The following PPP1R21 variants were observed in gnomAD, a reference collection of about 807,000 sequenced individuals.
The protein encoded by PPP1R21 is protein phosphatase 1 regulatory subunit 21.
In PPP1R21, 85 loss-of-function variants were observed where a neutral mutation model predicts 112.8. The observed-to-expected ratio is 0.75, with a 90% CI of 0.63 to 0.90. The LOEUF (loss-of-function observed/expected upper bound fraction) is 0.90, where lower values mean the gene tolerates loss of function less well. Among genes scored for constraint, PPP1R21 ranks in the 40% least tolerant of loss-of-function variants. The pLI, the probability that PPP1R21 is intolerant of heterozygous loss-of-function variation, is 0.00. For missense variants in PPP1R21, 1,199 were observed against 901.5 expected, an observed-to-expected ratio of 1.33 and a Z score of -4.23; for synonymous variants, 381 against 322.3, an observed-to-expected ratio of 1.18 and a Z score of -1.95.
rs980537602 is a variant in PPP1R21 at position 48,486,687 on chromosome 2, A to T, written c.1375A>T (p.Thr459Ser). The T allele has an allele frequency of 6.2e-7, 1 of 1,613,840 alleles. No homozygotes were observed. The highest frequency in any genetic ancestry group is 1.7e-5 in the Admixed American group (1 of 60,028). The part of the protein sequence containing the change: ...AAIEHELPTA[T>S]QKLITTNDCI... Reference sequence around the variant, plus strand: ...AATAGAGCATGAACTTCCAACAGCAACACAGAAGCTGATAACAACTAATGA... The same window carrying T: ...AATAGAGCATGAACTTCCAACAGCATCACAGAAGCTGATAACAACTAATGA... The change falls in exon 14 of 22, where the codon ACA becomes TCA. Residue 459 changes from threonine to serine, a missense_variant. Physicochemically the swap from Thr to Ser is moderately conservative, Grantham distance 58. Transcript: ENST00000294952.
At chr2:48,474,433 T>C (rs1668659033) in intron 11 of PPP1R21, among the ~76,000 whole-genome samples, 1 of 152,230 alleles carries the variant, frequency 6.6e-6, no homozygotes, top group Non-Finnish European at 1.5e-5. Context: ...TGTGTTGCTC[T>C]CAGGATGGAA....
chr2:48,458,006 GT>G (rs1157570265), intron 3 of PPP1R21, 119 bp from the exon 4 acceptor site: 4 of 719,524 alleles, frequency 5.6e-6, no homozygotes, highest in Non-Finnish European at 1.0e-5. Context: ...TTGCAGGATT[GT>G]TTGAGAATGG....
At chr2:48,475,912 A>G (rs949088084) in intron 12 of PPP1R21, among the ~76,000 whole-genome samples, 2 of 152,156 alleles carry the variant, frequency 1.3e-5, no homozygotes, top group Admixed American at 6.5e-5. Context: ...TAAGAATGCC[A>G]TAATTTTTCT....
At chr2:48,458,928 TAAAAATACAA>T (rs1363885955) in intron 4 of PPP1R21, among the ~76,000 whole-genome samples, 2 of 151,548 alleles carry the variant, frequency 1.3e-5, no homozygotes, top group African/African-American at 4.9e-5. Flanking sequence ...CCTTCTCTAG[TAAAAATACAA>T]AAAATTAGCC....
intron 15 of PPP1R21, among the ~76,000 whole-genome samples, chr2:48,493,458 G>A (rs1669663372): frequency 6.6e-6 from 1 of 152,140 alleles, no homozygotes; most frequent in Admixed American, 6.5e-5. Context: ...TCATCAAATA[G>A]GTCTTTTTCT....
chr2:48,503,644 G>A (rs1438347022), intron 17 of PPP1R21, among the ~76,000 whole-genome samples: 1 of 152,082 alleles, frequency 6.6e-6, no homozygotes, highest in East Asian at 1.9e-4. Flanking sequence ...AAAGTAATCT[G>A]TGTTAAAGGC....
chr2:48,505,895 T>C (rs1379590560), intron 18 of PPP1R21, among the ~76,000 whole-genome samples: 1 of 152,162 alleles, frequency 6.6e-6, no homozygotes, highest in Non-Finnish European at 1.5e-5. Context: ...GCTGGCATAC[T>C]ACATGAGGCT....
At chr2:48,455,403 A>C (rs1310079624) in intron 3 of PPP1R21, among the ~76,000 whole-genome samples, 1 of 151,222 alleles carries the variant, frequency 6.6e-6, no homozygotes, top group Non-Finnish European at 1.5e-5. Flanking sequence ...TCAGCCTCCC[A>C]AAGTGCTGGG....
intron 13 of PPP1R21, among the ~76,000 whole-genome samples, chr2:48,483,442 C>T (rs148010363): frequency 0.017 from 2,525 of 152,198 alleles, 39 homozygotes; most frequent in Middle Eastern, 0.041. Flanking sequence ...CTCGGCCTCT[C>T]AAAGTTTTGG....
chr2:48,459,393 A>T (rs551808460), intron 4 of PPP1R21, among the ~76,000 whole-genome samples: 12 of 152,346 alleles, frequency 7.9e-5, no homozygotes, highest in African/African-American at 2.2e-4. Flanking sequence ...ACTCTGATCA[A>T]TTGAATTCTA....
At position 48,514,742 on chromosome 2, in the gene PPP1R21, T is replaced by C. The variant is rs751298132; in HGVS notation, c.2341T>C (p.Ter781GlnextTer2). Residue 781 changes from the stop codon to glutamine, a stop_lost, in exon 22 of 22, where the codon TAG becomes CAG. Transcript: ENST00000294952. ...KGNSKKNKSR[*>Q] ...GAATTCTAAAAAGAACAAGAGTCGA[T>C]AGTTTTGAAATAGCTGGTTGGCGAC... 3 of 1,611,968 alleles carry C rather than the reference T, an allele frequency of 1.9e-6. No individual in the cohort carries two copies. The highest frequency in any genetic ancestry group is 2.2e-5 in the East Asian group (1 of 44,882).
chr2:48,496,387 A>G (rs1669835765), intron 16 of PPP1R21, among the ~76,000 whole-genome samples: 2 of 152,074 alleles, frequency 1.3e-5, no homozygotes, highest in African/African-American at 4.8e-5. Flanking sequence ...CCCTCATTCT[A>G]GAGGTGTTGC....
chr2:48,473,303 T>C (rs1668606921), intron 11 of PPP1R21, among the ~76,000 whole-genome samples: 1 of 152,168 alleles, frequency 6.6e-6, no homozygotes, highest in South Asian at 2.1e-4. Context: ...TATAAAGATT[T>C]TTTGAAAATC....
intron 7 of PPP1R21, among the ~76,000 whole-genome samples, chr2:48,462,728 T>G (rs995052818): frequency 6.6e-6 from 1 of 152,158 alleles, no homozygotes; most frequent in Non-Finnish European, 1.5e-5. Context: ...GCCATGGGGT[T>G]GTTGGAGAAG....
Position 48,507,495 on chromosome 2 carries a change from G to C in PPP1R21, c.2085+110G>C, listed in dbSNP as rs530221636. On this transcript the variant is annotated intron_variant, in intron 19 of 21. Coordinates refer to ENST00000294952, the MANE Select transcript of PPP1R21 (RefSeq NM_001135629.3). ...TGTAAGAGAGAAGTCAGTGTCCCAA[G>C]TAGCTGGGACTATGGGTGTGTACCA... The C allele has an allele frequency of 7.4e-6, 11 of 1,485,116 alleles. No individual in the cohort carries two copies. In the East Asian group the frequency reaches 2.6e-4, roughly 35 times the overall value. The allele number at this position is 1,485,116 out of a possible 1,614,324, so 92.0% of individuals were successfully genotyped here. A position where few individuals can be genotyped will look rare whatever the true frequency, so the allele number is the denominator to read the frequency against.
At chr2:48,472,719 C>T (rs1471738662) in intron 11 of PPP1R21, among the ~76,000 whole-genome samples, 1 of 151,548 alleles carries the variant, frequency 6.6e-6, no homozygotes, top group Non-Finnish European at 1.5e-5. Context: ...GAGGTCGAGG[C>T]GGGAAGATCA....
chr2:48,460,546 A>C (rs1284231783), intron 6 of PPP1R21, among the ~76,000 whole-genome samples: 6 of 152,250 alleles, frequency 3.9e-5, no homozygotes, highest in Non-Finnish European at 7.3e-5. Flanking sequence ...ATTTGGAGAT[A>C]CATAAATTTT....
chr2:48,462,131 A>T (rs1355751050), intron 7 of PPP1R21, among the ~76,000 whole-genome samples: 1 of 152,208 alleles, frequency 6.6e-6, no homozygotes, highest in Non-Finnish European at 1.5e-5. Flanking sequence ...TTAGGTTTTA[A>T]TAATTTCCTT....
intron 2 of PPP1R21, 154 bp from the exon 3 acceptor site, chr2:48,454,441 A>G (rs935679007): frequency 2.4e-6 from 2 of 836,036 alleles, no homozygotes; most frequent in Non-Finnish European, 3.7e-6. Flanking sequence ...ACAAAGTGCT[A>G]AAAACTTAAG....
Sources: gnomAD v4.1 joint callset for allele counts (sites outside exome capture counted in the v4.1 genomes callset) on GRCh38, gnomAD v4.1.1 for gene constraint, MANE v1.5 for transcripts, NCBI Gene and HGNC (gene_info 2026-07-23, HGNC 2026-07-21) for gene names.